RASGEF1B: variants seen among roughly 807,000 people sequenced by gnomAD.
RASGEF1B encodes RasGEF domain family member 1B, also known as ras-GEF domain-containing family member 1B.
RASGEF1B carries 30 observed loss-of-function variants against 65.7 expected under a neutral mutation model. That is an observed-to-expected ratio of 0.46 (90% confidence interval 0.34 to 0.62). The LOEUF (loss-of-function observed/expected upper bound fraction) is 0.62, where lower values mean the gene tolerates loss of function less well. RASGEF1B is among the 20% of genes least tolerant of loss of function. The probability of loss-of-function intolerance (pLI) is 0.01; values close to 1 mark genes in which losing one functional copy is unlikely to be tolerated. For missense variants in RASGEF1B, 495 were observed against 580.1 expected (o/e 0.85, Z 1.51); for synonymous variants, 175 against 194.8 (o/e 0.90, Z 0.85).
chr4:81,470,352 TC>T (rs1464205332), intron 1 of RASGEF1B, among the ~76,000 whole-genome samples: 1 of 152,230 alleles, frequency 6.6e-6, no homozygotes. Context: ...CAGAGGCTTA[TC>T]GCCATGGTCC....
At chr4:81,438,803 AC>A (rs1721736383) in intron 10 of RASGEF1B, among the ~76,000 whole-genome samples, 1 of 146,372 alleles carries the variant, frequency 6.8e-6, no homozygotes, top group South Asian at 2.1e-4. Context: ...ACTCCCACTT[AC>A]GAGTGAGAAC....
intron 8 of RASGEF1B, among the ~76,000 whole-genome samples, chr4:81,442,727 G>C (rs1174252744): frequency 6.6e-6 from 1 of 152,158 alleles, no homozygotes; most frequent in Non-Finnish European, 1.5e-5. Flanking sequence ...ATAAACAAAT[G>C]GTTATGGTTG....
intron 8 of RASGEF1B, among the ~76,000 whole-genome samples, chr4:81,444,001 G>A (rs1721936127): frequency 6.6e-6 from 1 of 152,078 alleles, no homozygotes; most frequent in Non-Finnish European, 1.5e-5. Context: ...ATATTTTGCT[G>A]CAATTTAATT....
At chr4:81,446,393 C>T (rs1233718568) in intron 6 of RASGEF1B, among the ~76,000 whole-genome samples, 1 of 151,960 alleles carries the variant, frequency 6.6e-6, no homozygotes, top group Non-Finnish European at 1.5e-5. Flanking sequence ...GTGTCCCTAC[C>T]CCTCTTCCCA....
intron 4 of RASGEF1B, chr4:81,453,071 T>C (rs1040959228): frequency 2.0e-5 from 3 of 151,266 alleles, no homozygotes; most frequent in Non-Finnish European, 4.4e-5. Context: ...TTCCTTCCAA[T>C]AGAGGGAAAT....
chr4:81,456,489 T>C, intron 4 of RASGEF1B, 162 bp downstream of exon 4: 2 of 774,268 alleles, frequency 2.6e-6, no homozygotes, highest in Non-Finnish European at 4.6e-6. Context: ...GTATAATCAT[T>C]CTCACTTGAC....
chr4:81,443,916 G>T (rs1721933597), intron 8 of RASGEF1B, among the ~76,000 whole-genome samples: 1 of 152,176 alleles, frequency 6.6e-6, no homozygotes, highest in Non-Finnish European at 1.5e-5. Flanking sequence ...AGCCCCACTT[G>T]TTCCACATCT....
rs2109980990 is a variant in RASGEF1B, at chr4:81,447,587, C to A, written c.655-9G>T. The A allele has an allele frequency of 1.2e-6, 2 of 1,611,982 alleles. No homozygotes were observed. The highest frequency in any genetic ancestry group is 4.5e-5 in the East Asian group (2 of 44,860). Reference sequence around the variant, plus strand: ...ATATAATTGAGCCTCTCCTGAAACACAAACCCAGAAGGTCAACAGTATTAA... The same window carrying A: ...ATATAATTGAGCCTCTCCTGAAACAAAAACCCAGAAGGTCAACAGTATTAA... On this transcript the variant is annotated splice_polypyrimidine_tract_variant and intron_variant, in intron 5 of 13. Coordinates refer to ENST00000264400, the MANE Select transcript of RASGEF1B (RefSeq NM_152545.3).
chr4:81,436,034 A>C (rs1361594561), intron 10 of RASGEF1B, among the ~76,000 whole-genome samples: 1 of 151,582 alleles, frequency 6.6e-6, no homozygotes, highest in Non-Finnish European at 1.5e-5. Context: ...CTCTTATCTC[A>C]GCCTCCCAAA....
At chr4:81,435,417 CAA>C (rs754067756) in intron 10 of RASGEF1B, among the ~76,000 whole-genome samples, 3,113 of 55,336 alleles carry the variant, frequency 0.056, 98 homozygotes, top group African/African-American at 0.15. Flanking sequence ...GACTCCCTCT[CAA>C]AAAAAAAAAA....
At chr4:81,443,384 G>GAT (rs1005545927) in intron 8 of RASGEF1B, among the ~76,000 whole-genome samples, 1 of 152,104 alleles carries the variant, frequency 6.6e-6, no homozygotes, top group Non-Finnish European at 1.5e-5. Context: ...CTCCAATCAA[G>GAT]ATATAGTAGC....
chr4:81,454,059 CA>C (rs555808915), intron 4 of RASGEF1B: 185 of 152,340 alleles, frequency 1.2e-3, no homozygotes, highest in African/African-American at 4.2e-3. Flanking sequence ...CTCCTCTTTT[CA>C]TGCTCAAAAC....
intron 1 of RASGEF1B, among the ~76,000 whole-genome samples, chr4:81,466,770 A>AGAAAGAAAGAAAGAAAGAAGGAAAGAAAG (rs1553947089): frequency 2.8e-5 from 1 of 36,096 alleles, no homozygotes; most frequent in African/African-American, 9.5e-5. Context: ...AAAAAAAAAA[A>AGAAAGAAAGAAAGAAAGAAGGAAAGAAAG]AAAGAAAGAA....
intron 4 of RASGEF1B, chr4:81,453,186 G>T (rs1722325684): frequency 1.3e-5 from 2 of 152,138 alleles, no homozygotes; most frequent in African/African-American, 2.4e-5. Flanking sequence ...TGAGCTAGGA[G>T]TTAAGGATGC....
intron 1 of RASGEF1B, among the ~76,000 whole-genome samples, chr4:81,470,285 C>T (rs980293891): frequency 5.3e-5 from 8 of 152,128 alleles, no homozygotes; most frequent in Non-Finnish European, 8.8e-5. Context: ...GTTATTTTCA[C>T]CCAAACGGCC....
intron 13 of RASGEF1B, among the ~76,000 whole-genome samples, chr4:81,429,239 T>C (rs545569251): frequency 6.6e-6 from 1 of 152,296 alleles, no homozygotes; most frequent in Non-Finnish European, 1.5e-5. Context: ...GGGGGAGGCA[T>C]TGGAGCTGGG....
intron 8 of RASGEF1B, 38 bp from the exon 9 acceptor site, chr4:81,442,414 T>C: frequency 1.7e-6 from 2 of 1,187,564 alleles, no homozygotes; most frequent in Non-Finnish European, 2.5e-6. Flanking sequence ...AAAAGGAAAA[T>C]TGAAAGAGAG....
At chr4:81,453,714 G>C (rs1334124305) in intron 4 of RASGEF1B, 1 of 152,168 alleles carries the variant, frequency 6.6e-6, no homozygotes, top group Non-Finnish European at 1.5e-5. Flanking sequence ...TCTCTGAGGA[G>C]AGCCACCTAA....
chr4:81,460,694 G>A (rs1202748129), intron 1 of RASGEF1B, among the ~76,000 whole-genome samples: 1 of 152,198 alleles, frequency 6.6e-6, no homozygotes, highest in African/African-American at 2.4e-5. Flanking sequence ...GCGGCCAGGG[G>A]TGGGGCATTA....
Sources: gnomAD v4.1 joint callset for allele counts (sites outside exome capture counted in the v4.1 genomes callset) on GRCh38, gnomAD v4.1.1 for gene constraint, MANE v1.5 for transcripts, NCBI Gene and HGNC (gene_info 2026-07-23, HGNC 2026-07-21) for gene names.